TBC1D22A: variants seen among roughly 807,000 people sequenced by gnomAD.
TBC1D22A encodes the protein putative GTPase activator.
In TBC1D22A, 38 loss-of-function variants were observed where a neutral mutation model predicts 60.2. That is an observed-to-expected ratio of 0.63 (90% CI 0.49 to 0.83). The LOEUF (loss-of-function observed/expected upper bound fraction) is 0.83. Ranked by LOEUF, TBC1D22A falls within the 40% of genes least tolerant of loss-of-function variation. TBC1D22A has a pLI of 0.00. For missense variants in TBC1D22A, 628 were observed against 701.0 expected, an observed-to-expected ratio of 0.90 and a Z score of 1.18; for synonymous variants, 302 against 281.7, an observed-to-expected ratio of 1.07 and a Z score of -0.72.
chr22:47,019,795 T>A (rs572504569), intron 10 of TBC1D22A, among the ~76,000 whole-genome samples: 4 of 151,580 alleles, frequency 2.6e-5, no homozygotes, highest in African/African-American at 9.7e-5. Flanking sequence ...CCTTCCCCTC[T>A]GCCTTAACCC....
intron 10 of TBC1D22A, among the ~76,000 whole-genome samples, chr22:47,034,074 CCTTTA>C (rs1569363263): frequency 6.6e-6 from 1 of 152,154 alleles, no homozygotes; most frequent in East Asian, 1.9e-4. Context: ...GCCGCGCTGC[CCTTTA>C]CTTATTAGAG....
chr22:46,972,664 T>C (rs1455003269), intron 8 of TBC1D22A, among the ~76,000 whole-genome samples: 1 of 151,758 alleles, frequency 6.6e-6, no homozygotes, highest in Non-Finnish European at 1.5e-5. Flanking sequence ...TGCTGAAGGG[T>C]CCAGGGTTTC....
chr22:47,143,537 C>T (rs553458294), intron 12 of TBC1D22A, among the ~76,000 whole-genome samples: 61 of 152,330 alleles, frequency 4.0e-4, no homozygotes, highest in African/African-American at 1.3e-3. Flanking sequence ...GAATGGTGCT[C>T]CACCTGGAAT....
intron 12 of TBC1D22A, among the ~76,000 whole-genome samples, chr22:47,161,955 G>A (rs77996711): frequency 0.016 from 2,481 of 152,312 alleles, 63 homozygotes; most frequent in African/African-American, 0.057. Context: ...ACCGCTGAGC[G>A]CCTTTGCATT....
At chr22:46,894,266 T>C (rs1395878424) in intron 6 of TBC1D22A, among the ~76,000 whole-genome samples, 2 of 152,188 alleles carry the variant, frequency 1.3e-5, no homozygotes, top group Non-Finnish European at 2.9e-5. Context: ...ATGACTCTGA[T>C]GTCAGACGGT....
chr22:46,970,231 C>A (rs1338710820), intron 8 of TBC1D22A, among the ~76,000 whole-genome samples: 2 of 152,066 alleles, frequency 1.3e-5, no homozygotes, highest in African/African-American at 2.4e-5. Context: ...CTGACCCCCA[C>A]CCCCAGGGCC....
At chr22:46,959,729 T>C (rs2073396141) in intron 8 of TBC1D22A, among the ~76,000 whole-genome samples, 1 of 152,166 alleles carries the variant, frequency 6.6e-6, no homozygotes, top group Non-Finnish European at 1.5e-5. Flanking sequence ...CCTCCTGGCT[T>C]TCTGGGCAGC....
At chr22:47,145,011 C>A (rs1467929351) in intron 12 of TBC1D22A, among the ~76,000 whole-genome samples, 1 of 152,244 alleles carries the variant, frequency 6.6e-6, no homozygotes, top group Non-Finnish European at 1.5e-5. Context: ...ATCGGAACTA[C>A]CTTGGTAATG....
Position 46,960,554 on chromosome 22 carries a change from G to A in TBC1D22A, c.1016-13736G>A, listed in dbSNP as rs376027406. On this transcript the variant is annotated intron_variant, in intron 8 of 12. Transcript: ENST00000337137. The stretch of plus-strand genomic sequence containing the variant: ...TGGGATTACAGGTGTGAGGCATCAC[G>A]CCTGGCCTCTTGGCGTCTTTTGGCC... 1.3e-3 allele frequency among the ~76,000 whole-genome samples: 201 copies of A among 152,260 alleles called. 1 individual carries two copies. The highest frequency in any genetic ancestry group is 4.7e-3 in the African/African-American group (194 of 41,558).
chr22:46,879,151 T>C (rs2067723023), intron 5 of TBC1D22A, among the ~76,000 whole-genome samples: 1 of 149,612 alleles, frequency 6.7e-6, no homozygotes, highest in East Asian at 2.0e-4. Context: ...TTAGTAGCGC[T>C]GTTAGGAAAA....
chr22:47,104,939 C>T (rs140117048), intron 11 of TBC1D22A, among the ~76,000 whole-genome samples: 2 of 151,936 alleles, frequency 1.3e-5, no homozygotes, highest in Admixed American at 6.6e-5. Context: ...ACTTGTCCCC[C>T]CTTTCTGGAC....
intron 11 of TBC1D22A, among the ~76,000 whole-genome samples, chr22:47,068,718 C>T (rs1311353234): frequency 6.6e-6 from 1 of 152,164 alleles, no homozygotes; most frequent in Admixed American, 6.5e-5. Context: ...AATGAGCTAA[C>T]AATTTCACGC....
chr22:46,954,746 A>G (rs1381360764), intron 8 of TBC1D22A, among the ~76,000 whole-genome samples: 1 of 152,248 alleles, frequency 6.6e-6, no homozygotes, highest in Non-Finnish European at 1.5e-5. Context: ...AATTGGAAAT[A>G]ATACTGTGCA....
At chr22:47,044,181 G>A (rs2062954734) in intron 11 of TBC1D22A, among the ~76,000 whole-genome samples, 1 of 152,200 alleles carries the variant, frequency 6.6e-6, no homozygotes, top group Non-Finnish European at 1.5e-5. Flanking sequence ...GCACCCTTCT[G>A]CTCTGTGCCT....
At chr22:46,929,732 A>T (rs949559477) in intron 8 of TBC1D22A, among the ~76,000 whole-genome samples, 1 of 152,064 alleles carries the variant, frequency 6.6e-6, no homozygotes, top group Non-Finnish European at 1.5e-5. Flanking sequence ...GCGTGTGTGC[A>T]TGCATGTATG....
intron 4 of TBC1D22A, among the ~76,000 whole-genome samples, chr22:46,873,778 AC>A (rs2067403880): frequency 6.6e-6 from 1 of 150,476 alleles, no homozygotes; most frequent in Admixed American, 6.6e-5. Flanking sequence ...ACTGCAAAGG[AC>A]ATAATCTTGT....
intron 8 of TBC1D22A, among the ~76,000 whole-genome samples, chr22:46,941,720 GCGGAATGTATATA>G (rs2072135251): frequency 8.9e-6 from 1 of 112,940 alleles, no homozygotes; most frequent in African/African-American, 4.4e-5. Flanking sequence ...ATATATATAC[GCGGAATGTATATA>G]CGGAATATAT....
At chr22:46,812,658 C>T (rs973373501) in intron 4 of TBC1D22A, among the ~76,000 whole-genome samples, 1 of 152,172 alleles carries the variant, frequency 6.6e-6, no homozygotes, top group African/African-American at 2.4e-5. Context: ...GAGGAATTGG[C>T]AGAAGGCTCA....
At position 47,148,954 on chromosome 22, in the gene TBC1D22A, G is replaced by T. The variant is rs546006802; in HGVS notation, c.1426-24544G>T. Among the ~76,000 whole-genome samples the T allele has an allele frequency of 2.6e-5, 4 of 152,250 alleles. No individual in the cohort carries two copies. In the East Asian group the frequency reaches 7.7e-4, roughly 29 times the overall value. On this transcript the variant is annotated intron_variant, in intron 12 of 12. Coordinates refer to ENST00000337137, the MANE Select transcript of TBC1D22A (RefSeq NM_014346.5). ...GTTCTAGGGGGCCACGGCTTCCCAT[G>T]TGTCCCTTCATGCCGGTTCTAGGGG...
Sources: gnomAD v4.1 joint callset for allele counts (sites outside exome capture counted in the v4.1 genomes callset) on GRCh38, gnomAD v4.1.1 for gene constraint, MANE v1.5 for transcripts, NCBI Gene and HGNC (gene_info 2026-07-23, HGNC 2026-07-21) for gene names.